The following TARS2 variants were observed in gnomAD, a reference collection of about 807,000 sequenced individuals.
TARS2 encodes threonine--tRNA ligase, mitochondrial.
In TARS2, 61 loss-of-function variants were observed where a neutral mutation model predicts 94.4. The ratio of observed to expected loss-of-function variants is 0.65; its 90% CI spans 0.53 to 0.80. The LOEUF is 0.80. Ranked by LOEUF, TARS2 falls within the 30% of genes least tolerant of loss-of-function variation. The probability of loss-of-function intolerance (pLI) is 0.00; values close to 1 mark genes in which losing one functional copy is unlikely to be tolerated. For synonymous variants in TARS2, 359 were observed against 353.4 expected, an observed-to-expected ratio of 1.02 and a Z score of -0.18; for missense variants, 704 against 902.5, an observed-to-expected ratio of 0.78 and a Z score of 2.82.
At chr1:150,501,171 T>C (rs1056071031) in intron 13 of TARS2, among the ~76,000 whole-genome samples, 2 of 151,848 alleles carry the variant, frequency 1.3e-5, no homozygotes, top group Non-Finnish European at 1.5e-5. Context: ...CTGTGTGCAG[T>C]GGCCCCCTCT....
chr1:150,498,337 G>A (rs1443633849), intron 10 of TARS2, among the ~76,000 whole-genome samples, 165 bp from the exon 11 acceptor site: 1 of 152,192 alleles, frequency 6.6e-6, no homozygotes, highest in Non-Finnish European at 1.5e-5. Flanking sequence ...TCAGGGCTCA[G>A]ACTGTGATGA....
intron 13 of TARS2, among the ~76,000 whole-genome samples, chr1:150,503,645 A>G (rs145223187): frequency 0.19 from 13,068 of 68,730 alleles, 815 homozygotes; most frequent in Non-Finnish European, 0.31. Flanking sequence ...GTGTGTATAT[A>G]TGTGTGTATA....
Position 150,489,076 on chromosome 1 carries a change from G to C in TARS2, c.376G>C (p.Glu126Gln). Residue 126 changes from glutamate to glutamine, a missense_variant, in exon 3 of 18, where the codon GAG becomes CAG. Glu to Gln is a conservative substitution (Grantham distance 29). Coordinates refer to ENST00000369064, the MANE Select transcript of TARS2 (RefSeq NM_025150.5). ...DLRFLTFDSP[E>Q]GKAVFWHSST... ...CAGATTTCTGACATTCGATTCCCCA[G>C]AGGGGAAAGCAGTAAGTTTCTTTCT... 1 of 1,614,166 alleles carries C rather than the reference G, an allele frequency of 6.2e-7. No homozygotes were observed. Among genetic ancestry groups the C allele is most frequent in the Non-Finnish European group, 8.5e-7 (1 of 1,180,002 alleles).
chr1:150,487,853 T>C lies in TARS2; in HGVS notation c.67-5T>C. ...TGTTACCTGCTAATATATCTTTCCC[T>C]CCAGGCAGTTGTGTCGACCCCTCCA... On this transcript the variant is annotated splice_region_variant and splice_polypyrimidine_tract_variant and intron_variant, in intron 1 of 17. Coordinates refer to ENST00000369064, the MANE Select transcript of TARS2 (RefSeq NM_025150.5). 6.2e-7 allele frequency: 1 copy of C among 1,611,350 alleles called. No individual in the cohort carries two copies. The highest frequency in any genetic ancestry group is 8.5e-7 in the Non-Finnish European group (1 of 1,179,258).
Position 150,487,948 on chromosome 1 carries a change from A to G in TARS2, c.157A>G (p.Met53Val), listed in dbSNP as rs751610762. The change falls in exon 2 of 18, where the codon ATG becomes GTG. Residue 53 changes from methionine (M) to valine (V), a missense_variant. Physicochemically the swap from Met to Val is conservative, Grantham distance 21. This residue lies in a region of TARS2 where 208 missense variants were observed against 228.5 expected (regional missense o/e 0.91). Transcript: ENST00000369064. Reference sequence around the variant, plus strand: ...TGCTCAGGTAAAGAGATTAGCAAGCATGGCACAGAAGGAACCCCGGACTAT... The same window carrying G: ...TGCTCAGGTAAAGAGATTAGCAAGCGTGGCACAGAAGGAACCCCGGACTAT... ...WAAQVKRLAS[M>V]AQKEPRTIKI... 1.2e-6 allele frequency: 2 copies of G among 1,614,094 alleles called. No individual in the cohort carries two copies. The highest frequency in any genetic ancestry group is 1.7e-5 in the Admixed American group (1 of 60,012).
chr1:150,497,496 C>G, intron 9 of TARS2, 34 bp from the exon 10 acceptor site: 1 of 1,605,182 alleles, frequency 6.2e-7, no homozygotes, highest in Non-Finnish European at 8.5e-7. Flanking sequence ...CTTCCAGTTA[C>G]TCTGACCTTC....
At chr1:150,501,004 T>A (rs1560255026) in intron 13 of TARS2, among the ~76,000 whole-genome samples, 1 of 152,088 alleles carries the variant, frequency 6.6e-6, no homozygotes, top group African/African-American at 2.4e-5. Flanking sequence ...TGAAGGTAGA[T>A]GCAAGGAAGT....
intron 6 of TARS2, chr1:150,492,012 G>A: frequency 4.1e-6 from 1 of 244,240 alleles, no homozygotes; most frequent in South Asian, 4.7e-5. Flanking sequence ...TGTCACCCAG[G>A]CTGGAATGCA....
intron 14 of TARS2, 97 bp downstream of exon 14, chr1:150,504,532 T>A: frequency 1.3e-6 from 2 of 1,569,276 alleles, no homozygotes; most frequent in Non-Finnish European, 1.8e-6. Context: ...CACCCTCTCC[T>A]GCCAGAGCTG....
chr1:150,503,619 GTGTGTGTATATA>G (rs1244997840), intron 13 of TARS2, among the ~76,000 whole-genome samples: 3,926 of 136,788 alleles, frequency 0.029, 102 homozygotes, highest in East Asian at 0.1. Flanking sequence ...GTATATATAT[GTGTGTGTATATA>G]TGTGTGTGTA....
Position 150,507,137 on chromosome 1 carries a change from C to A in TARS2, c.*73C>A. 1 of 1,584,094 alleles carries A rather than the reference C, an allele frequency of 6.3e-7. No homozygotes were observed. Among genetic ancestry groups the A allele is most frequent in the South Asian group, 1.1e-5 (1 of 88,266 alleles). On this transcript the variant is annotated 3_prime_UTR_variant, in exon 18 of 18. Coordinates refer to ENST00000369064, the MANE Select transcript of TARS2 (RefSeq NM_025150.5). Reference sequence around the variant, plus strand: ...CCTCACATGGGAGACCCCAACCCAGCTGACAATGTGGAGCCCCCAGAACTT... The same window carrying A: ...CCTCACATGGGAGACCCCAACCCAGATGACAATGTGGAGCCCCCAGAACTT...
intron 7 of TARS2, 150 bp from the exon 8 acceptor site, chr1:150,496,332 T>C: frequency 1.2e-6 from 1 of 864,766 alleles, no homozygotes; most frequent in South Asian, 2.2e-5. Flanking sequence ...AAGAATGGTG[T>C]CTAGAGGATG....
intron 13 of TARS2, 114 bp downstream of exon 13, chr1:150,499,407 A>G: frequency 1.0e-6 from 1 of 980,986 alleles, no homozygotes; most frequent in African/African-American, 1.7e-5. Context: ...TCTGTCACCC[A>G]GGCTAAAATG....
In TARS2 at chr1:150,506,806, T is replaced by C. The variant is rs587748198; in HGVS notation, c.2009-110T>C. On this transcript the variant is annotated intron_variant, in intron 17 of 17. Coordinates refer to ENST00000369064, the MANE Select transcript of TARS2 (RefSeq NM_025150.5). ...CTTTCTGTGAACCATATCTGGGCTC[T>C]GCTCCCACCCTTCCTAAAGATTTAG... The C allele has an allele frequency of 7.6e-6, 11 of 1,439,222 alleles. No homozygotes were observed. The East Asian group carries it at 1.4e-4, about 18-fold the overall frequency. The allele number at this position is 1,439,222 out of a possible 1,614,324, so 89.2% of individuals were successfully genotyped here. A position where few individuals can be genotyped will look rare whatever the true frequency, so the allele number is the denominator to read the frequency against.
Position 150,496,916 on chromosome 1 carries a change from G to T in TARS2, c.1020+8G>T. ...CTAGTGGCGTTTATCAGGGTAAGGG[G>T]ACCCAGGTCTAGAGGAAAGAAGACC... On this transcript the variant is annotated splice_region_variant and intron_variant, in intron 9 of 17. Transcript: ENST00000369064. The T allele has an allele frequency of 6.2e-7, 1 of 1,613,692 alleles. No homozygotes were observed. The highest frequency in any genetic ancestry group is 8.5e-7 in the Non-Finnish European group (1 of 1,179,808).
chr1:150,490,507 G>A lies in TARS2; in HGVS notation c.388-94G>A, dbSNP rs1412102535. The A allele has an allele frequency of 1.9e-5, 29 of 1,498,536 alleles. No individual in the cohort carries two copies. The East Asian group carries it at 3.9e-4, about 20-fold the overall frequency. The allele number at this position is 1,498,536 out of a possible 1,614,324, so 92.8% of individuals were successfully genotyped here. A position where few individuals can be genotyped will look rare whatever the true frequency, so the allele number is the denominator to read the frequency against. On this transcript the variant is annotated intron_variant, in intron 3 of 17. Coordinates refer to ENST00000369064, the MANE Select transcript of TARS2 (RefSeq NM_025150.5). ...TAGTTATTCCTAGAAGAACCATACC[G>A]GCTTTCCTACCAGCTTTTGTGAGGA...
At position 150,491,374 on chromosome 1, in the gene TARS2, A is replaced by G. The variant is rs1467267099; in HGVS notation, c.513-20A>G. On this transcript the variant is annotated intron_variant, in intron 4 of 17. Transcript: ENST00000369064. ...GATGCACCTCATAGGATGCAACCCA[A>G]CCAATTCTCCTCTTTCCAGGACAAT... The G allele has an allele frequency of 1.2e-6, 2 of 1,611,894 alleles. No homozygotes were observed. The highest frequency in any genetic ancestry group is 2.7e-5 in the African/African-American group (2 of 74,846).
intron 4 of TARS2, among the ~76,000 whole-genome samples, 188 bp from the exon 5 acceptor site, chr1:150,491,206 G>C (rs1158693388): frequency 6.6e-6 from 1 of 152,156 alleles, no homozygotes; most frequent in Non-Finnish European, 1.5e-5. Context: ...CATGCATAGA[G>C]CTTTTTCTCC....
chr1:150,490,858 A>G (rs886640619), intron 4 of TARS2, 133 bp downstream of exon 4: 2 of 1,301,780 alleles, frequency 1.5e-6, no homozygotes, highest in Non-Finnish European at 1.1e-6. Flanking sequence ...CTATGACATT[A>G]GTATCTCCTT....
Sources: allele counts gnomAD v4.1 joint callset (sites outside exome capture counted in the v4.1 genomes callset), GRCh38; gene constraint gnomAD v4.1.1; regional missense constraint gnomAD v4.1.1; transcripts MANE v1.5; gene names NCBI Gene and HGNC (gene_info 2026-07-23, HGNC 2026-07-21).